ASZ1: variants seen among roughly 807,000 people sequenced by gnomAD.
ASZ1 encodes the protein ankyrin repeat, SAM and basic leucine zipper domain containing 1, also known as ankyrin repeat, SAM and basic leucine zipper domain-containing protein 1.
ASZ1 carries 67 observed loss-of-function variants against 61.8 expected under a neutral mutation model. That is an observed-to-expected ratio of 1.08 (90% confidence interval 0.89 to 1.33). ASZ1 has a LOEUF of 1.33. ASZ1 is among the 40% of genes most tolerant of loss of function. The pLI, the probability that ASZ1 is intolerant of heterozygous loss-of-function variation, is 0.00. For synonymous variants in ASZ1, 193 were observed against 192.7 expected (o/e 1.00, Z -0.01); for missense variants, 577 against 554.5 (o/e 1.04, Z -0.41).
chr7:117,395,189 T>C (rs1796553896), intron 4 of ASZ1, among the ~76,000 whole-genome samples: 3 of 152,210 alleles, frequency 2.0e-5, no homozygotes, highest in Non-Finnish European at 2.9e-5. Flanking sequence ...GGCGAGCGAC[T>C]CTTTTTCCAT....
chr7:117,363,621 C>G lies in ASZ1; in HGVS notation c.1403G>C (p.Cys468Ser). 1 of 1,599,348 alleles carries G rather than the reference C, an allele frequency of 6.3e-7. No individual in the cohort carries two copies. The highest frequency in any genetic ancestry group is 8.5e-7 in the Non-Finnish European group (1 of 1,174,158). The stretch of plus-strand genomic sequence containing the variant: ...TTATTTCCTCTGGAAAGTTAGCTTG[C>G]AAATGAAAAGAAGAAAACCGAATCC... Reference protein sequence around the residue: ...ICGFGFLLFICKLTFQRK With the variant: ...ICGFGFLLFISKLTFQRK The change falls in exon 13 of 13, where the codon TGC becomes TCC. Residue 468 changes from cysteine to serine, a missense_variant. By Grantham distance (112) the Cys-to-Ser change is moderately radical. Transcript: ENST00000284629.
In ASZ1 at chr7:117,422,364, C is replaced by T. The variant is rs192623572; in HGVS notation, c.206-5G>A. ...AGTTGGAATCTACACTAATGCCTGT[C>T]AATATAAAAACAAGCTTTTAAAAGC... On this transcript the variant is annotated splice_region_variant and splice_polypyrimidine_tract_variant and intron_variant, in intron 2 of 12. Transcript: ENST00000284629. 3.5e-5 allele frequency: 56 copies of T among 1,607,718 alleles called. No homozygotes were observed. In the East Asian group the frequency reaches 1.2e-3, roughly 35 times the overall value.
intron 4 of ASZ1, among the ~76,000 whole-genome samples, chr7:117,417,077 G>A (rs1338845238): frequency 1.3e-5 from 2 of 152,054 alleles, no homozygotes; most frequent in African/African-American, 4.8e-5. Context: ...AAGAGTTCAT[G>A]CTACTTTACA....
At chr7:117,379,403 A>G (rs1396092196) in intron 10 of ASZ1, among the ~76,000 whole-genome samples, 1 of 151,594 alleles carries the variant, frequency 6.6e-6, no homozygotes, top group Non-Finnish European at 1.5e-5. Context: ...TTGCTCTATA[A>G]TGTATTAATA....
chr7:117,383,132 C>T, intron 6 of ASZ1, 22 bp from the exon 7 acceptor site: 1 of 1,517,770 alleles, frequency 6.6e-7, no homozygotes, highest in African/African-American at 1.4e-5. Flanking sequence ...TAACATCATT[C>T]AAATATAATT....
chr7:117,402,437 C>G (rs1796697888), intron 4 of ASZ1, among the ~76,000 whole-genome samples: 1 of 152,112 alleles, frequency 6.6e-6, no homozygotes, highest in Non-Finnish European at 1.5e-5. Flanking sequence ...TGAGTTGTTG[C>G]TCCATGATGA....
chr7:117,411,154 T>A (rs903278364), intron 4 of ASZ1, among the ~76,000 whole-genome samples: 6 of 151,754 alleles, frequency 4.0e-5, no homozygotes, highest in African/African-American at 1.4e-4. Flanking sequence ...TTTCTTCACC[T>A]CTATCCTATT....
intron 4 of ASZ1, among the ~76,000 whole-genome samples, chr7:117,391,595 G>T (rs933095427): frequency 2.0e-5 from 3 of 152,070 alleles, no homozygotes; most frequent in African/African-American, 7.2e-5. Context: ...TGTTGACTTT[G>T]TTGAAGATTA....
chr7:117,388,954 T>G (rs1287561517), intron 4 of ASZ1, among the ~76,000 whole-genome samples: 1 of 152,160 alleles, frequency 6.6e-6, no homozygotes, highest in East Asian at 1.9e-4. Context: ...GAGAAATATT[T>G]AAAAAATCAA....
At chr7:117,380,655 A>G (rs144867346) in intron 9 of ASZ1, among the ~76,000 whole-genome samples, 1 of 151,714 alleles carries the variant, frequency 6.6e-6, no homozygotes. Context: ...AACCAAACAA[A>G]AGGCTTGGGA....
In ASZ1 at chr7:117,382,977, C is replaced by A; in HGVS notation, c.812+9G>T. ...AGGTATTCTGTTGAACTAAAACATG[C>A]TATATTACCTAAAAATGTGATCTTT... On this transcript the variant is annotated intron_variant, in intron 7 of 12. Coordinates refer to ENST00000284629, the MANE Select transcript of ASZ1 (RefSeq NM_130768.3). The A allele has an allele frequency of 6.4e-7, 1 of 1,552,698 alleles. No individual in the cohort carries two copies. Among genetic ancestry groups the A allele is most frequent in the Non-Finnish European group, 8.7e-7 (1 of 1,152,592 alleles).
chr7:117,410,402 T>C (rs1487520480), intron 4 of ASZ1, among the ~76,000 whole-genome samples: 1 of 151,716 alleles, frequency 6.6e-6, no homozygotes, highest in African/African-American at 2.4e-5. Flanking sequence ...AATCTTCAAT[T>C]TTTCTTAATA....
intron 4 of ASZ1, among the ~76,000 whole-genome samples, chr7:117,388,536 A>G (rs540243145): frequency 1.6e-4 from 24 of 152,302 alleles, no homozygotes; most frequent in African/African-American, 5.3e-4. Flanking sequence ...TTAACAAACT[A>G]AAAATGAAAA....
chr7:117,426,690 G>A (rs978631090), intron 2 of ASZ1, 146 bp downstream of exon 2: 2 of 713,872 alleles, frequency 2.8e-6, no homozygotes, highest in East Asian at 2.7e-5. Flanking sequence ...AAGGCAGACT[G>A]GACTCAGTCA....
intron 3 of ASZ1, 66 bp from the exon 4 acceptor site, chr7:117,420,340 C>T (rs956094776): frequency 2.1e-5 from 23 of 1,112,810 alleles, no homozygotes; most frequent in Non-Finnish European, 2.9e-5. Flanking sequence ...ATGTCTTTAC[C>T]ACTCAAAACA....
chr7:117,422,751 C>A (rs888759641), intron 2 of ASZ1, among the ~76,000 whole-genome samples: 2 of 152,172 alleles, frequency 1.3e-5, no homozygotes, highest in East Asian at 3.9e-4. Context: ...GTTGAAAATA[C>A]CACATATATC....
chr7:117,403,654 C>T (rs1796721366), intron 4 of ASZ1, among the ~76,000 whole-genome samples: 1 of 152,108 alleles, frequency 6.6e-6, no homozygotes, highest in African/African-American at 2.4e-5. Context: ...ATACCTCATT[C>T]CCCATCACCC....
At chr7:117,364,898 T>C (rs1264199850) in intron 12 of ASZ1, among the ~76,000 whole-genome samples, 2 of 152,120 alleles carry the variant, frequency 1.3e-5, no homozygotes, top group Non-Finnish European at 2.9e-5. Flanking sequence ...CAGGAGCCTG[T>C]CAGTGTGTTG....
intron 7 of ASZ1, 63 bp from the exon 8 acceptor site, chr7:117,382,207 A>G: frequency 6.2e-6 from 6 of 973,780 alleles, no homozygotes; most frequent in Non-Finnish European, 9.7e-6. Flanking sequence ...CGATAAATAT[A>G]CATTTATATT....
Sources: gnomAD v4.1 joint callset for allele counts (sites outside exome capture counted in the v4.1 genomes callset) on GRCh38, gnomAD v4.1.1 for gene constraint, MANE v1.5 for transcripts, NCBI Gene and HGNC (gene_info 2026-07-23, HGNC 2026-07-21) for gene names.